NFAT5: variants seen among roughly 807,000 people sequenced by gnomAD.
The protein encoded by NFAT5 is nuclear factor of activated T-cells 5.
NFAT5 carries 31 observed loss-of-function variants against 166.5 expected under a neutral mutation model. The ratio of observed to expected loss-of-function variants is 0.19; its 90% CI spans 0.14 to 0.25. The LOEUF (loss-of-function observed/expected upper bound fraction) is 0.25. Ranked by LOEUF, NFAT5 falls within the 10% of genes least tolerant of loss-of-function variation. The probability of loss-of-function intolerance (pLI) is 1.00; values close to 1 mark genes in which losing one functional copy is unlikely to be tolerated. For missense variants in NFAT5, 1,449 were observed against 1,821.8 expected, an observed-to-expected ratio of 0.80 and a Z score of 3.72; for synonymous variants, 612 against 639.7, an observed-to-expected ratio of 0.96 and a Z score of 0.65.
chr16:69,617,062 G>A (rs2033984130), intron 2 of NFAT5, among the ~76,000 whole-genome samples: 1 of 151,208 alleles, frequency 6.6e-6, no homozygotes, highest in African/African-American at 2.4e-5. Context: ...TCCTGCCTCA[G>A]CCTCCCGAGT....
In NFAT5 at chr16:69,692,067, A is replaced by G. The variant is rs762700463; in HGVS notation, c.2242A>G (p.Asn748Asp). 10 of 1,614,182 alleles carry G rather than the reference A, an allele frequency of 6.2e-6. 1 individual carries two copies. The Admixed American group carries it at 1.5e-4, about 24-fold the overall frequency. ...ATTACAGTCAGATGGTACAGTGGTT[A>G]ATTTGTCACAACTGACTGAGGCATC... ...EILQSDGTVV[N>D]LSQLTEASQQ... Residue 748 changes from asparagine to aspartate, a missense_variant, in exon 13 of 15, where the codon AAT (asparagine) becomes GAT (aspartate). Around this residue, in one of 7 missense-constraint regions of NFAT5, gnomAD observed 891 missense variants for 993.0 expected, o/e 0.90. Coordinates refer to ENST00000349945, the MANE Select transcript of NFAT5 (RefSeq NM_138713.4).
intron 3 of NFAT5, 87 bp from the exon 4 acceptor site, chr16:69,646,941 G>A (rs533901011): frequency 1.7e-5 from 20 of 1,148,024 alleles, no homozygotes; most frequent in Admixed American, 7.5e-5. Context: ...AAAACAATCA[G>A]TTCACAAATC....
At chr16:69,590,248 G>C (rs1205904341) in intron 2 of NFAT5, among the ~76,000 whole-genome samples, 2 of 152,162 alleles carry the variant, frequency 1.3e-5, no homozygotes, top group Non-Finnish European at 2.9e-5. Flanking sequence ...TGAGTCCTGA[G>C]TATCAGGTGA....
Position 69,702,813 on chromosome 16 carries a change from A to G in NFAT5, c.*6462A>G, listed in dbSNP as rs2037921280. On this transcript the variant is annotated 3_prime_UTR_variant, in exon 15 of 15. Coordinates refer to ENST00000349945, the MANE Select transcript of NFAT5 (RefSeq NM_138713.4). ...TAAATTCAGCTTAACCTGGTTATCT[A>G]TAATCTTTTATTGGCAAAAGTTAAT... The G allele has an allele frequency of 6.6e-6, 1 of 152,656 alleles. No homozygotes were observed. The highest frequency in any genetic ancestry group is 2.4e-5 in the African/African-American group (1 of 41,460). 9.5% of individuals were successfully genotyped at this position (152,656 alleles called of 1,614,324 possible).
chr16:69,678,862 G>A lies in NFAT5; in HGVS notation c.1690+1527G>A, dbSNP rs923383046. Reference sequence around the variant, plus strand: ...CTGGCATCAAAAAGTGAAGAAAACAGTAGCTAGGACAGAATAACAACTAAT... The same window carrying A: ...CTGGCATCAAAAAGTGAAGAAAACAATAGCTAGGACAGAATAACAACTAAT... On this transcript the variant is annotated intron_variant, in intron 10 of 14. Coordinates refer to ENST00000349945, the MANE Select transcript of NFAT5 (RefSeq NM_138713.4). 1.9e-4 allele frequency among the ~76,000 whole-genome samples: 29 copies of A among 152,242 alleles called. 1 individual carries two copies. Among genetic ancestry groups the A allele is most frequent in the African/African-American group, 7.0e-4 (29 of 41,468 alleles).
chr16:69,636,651 C>T (rs1371207159), intron 3 of NFAT5, among the ~76,000 whole-genome samples: 12 of 152,174 alleles, frequency 7.9e-5, no homozygotes, highest in Non-Finnish European at 1.8e-4. Flanking sequence ...CCTCTGATGC[C>T]ACAGCTTGAG....
chr16:69,621,954 C>A (rs1291571775), intron 2 of NFAT5, among the ~76,000 whole-genome samples: 1 of 146,384 alleles, frequency 6.8e-6, no homozygotes, highest in African/African-American at 2.6e-5. Flanking sequence ...CACAGTGAGA[C>A]CCTGACTCAA....
intron 10 of NFAT5, among the ~76,000 whole-genome samples, chr16:69,680,592 C>T (rs2037017495): frequency 6.6e-6 from 1 of 152,004 alleles, no homozygotes; most frequent in Non-Finnish European, 1.5e-5. Flanking sequence ...TCAAGTTTTC[C>T]CCCAGCATAT....
At chr16:69,642,089 A>T (rs2035238132) in intron 3 of NFAT5, among the ~76,000 whole-genome samples, 1 of 152,200 alleles carries the variant, frequency 6.6e-6, no homozygotes, top group South Asian at 2.1e-4. Flanking sequence ...ACAGAGCAAG[A>T]CTGTCTCAAC....
rs1444914709 is a variant in NFAT5 at position 69,701,693 on chromosome 16, T to G, written c.*5342T>G. On this transcript the variant is annotated 3_prime_UTR_variant, in exon 15 of 15. Coordinates refer to ENST00000349945, the MANE Select transcript of NFAT5 (RefSeq NM_138713.4). The stretch of plus-strand genomic sequence containing the variant: ...TCTGTGAAACTCCATGCACCAGATG[T>G]GTGTAAATTTCAGGAAGAAAGTGTT... 2 of 152,242 alleles carry G rather than the reference T, an allele frequency of 1.3e-5. No individual in the cohort carries two copies. Among genetic ancestry groups the G allele is most frequent in the East Asian group, 1.9e-4 (1 of 5,200 alleles). The allele number at this position is 152,242 out of a possible 1,614,324, so 9.4% of individuals were successfully genotyped here. A position where few individuals can be genotyped will look rare whatever the true frequency, so the allele number is the denominator to read the frequency against.
intron 3 of NFAT5, among the ~76,000 whole-genome samples, chr16:69,639,745 A>G (rs959614938): frequency 1.3e-5 from 2 of 152,180 alleles, no homozygotes; most frequent in Admixed American, 6.5e-5. Flanking sequence ...GTGTAAGTGC[A>G]TTGCTCAGAA....
At chr16:69,570,078 G>A (rs1225103642) in intron 2 of NFAT5, among the ~76,000 whole-genome samples, 1 of 152,086 alleles carries the variant, frequency 6.6e-6, no homozygotes, top group Non-Finnish European at 1.5e-5. Context: ...AATTATTTAA[G>A]CAAATATTTT....
At chr16:69,629,462 CT>C (rs2034609595) in intron 3 of NFAT5, among the ~76,000 whole-genome samples, 1 of 152,052 alleles carries the variant, frequency 6.6e-6, no homozygotes, top group Admixed American at 6.5e-5. Context: ...ACAATTCATA[CT>C]TTTATGCACT....
chr16:69,695,087 C>A (rs544625045), intron 13 of NFAT5, 49 bp from the exon 14 acceptor site: 7 of 1,322,996 alleles, frequency 5.3e-6, no homozygotes, highest in Middle Eastern at 1.8e-4. Context: ...TTTAATGTTT[C>A]TGCAGACTGT....
intron 2 of NFAT5, among the ~76,000 whole-genome samples, chr16:69,614,724 C>T (rs76752604): frequency 0.16 from 24,244 of 152,020 alleles, 2,116 homozygotes; most frequent in East Asian, 0.36. Context: ...TCCTTAGATC[C>T]TATTTGGGTT....
intron 3 of NFAT5, among the ~76,000 whole-genome samples, chr16:69,638,537 C>A (rs1280869937): frequency 6.6e-6 from 1 of 151,884 alleles, no homozygotes; most frequent in Admixed American, 6.6e-5. Context: ...AGTTCAAGAC[C>A]AGCCTGGCCA....
intron 2 of NFAT5, among the ~76,000 whole-genome samples, chr16:69,591,374 T>C (rs1013669705): frequency 6.9e-6 from 1 of 144,286 alleles, no homozygotes; most frequent in African/African-American, 2.5e-5. Context: ...CTGGCCACCA[T>C]GGAAAAATTA....
chr16:69,658,611 T>G (rs995889355), intron 6 of NFAT5, among the ~76,000 whole-genome samples: 9 of 152,064 alleles, frequency 5.9e-5, no homozygotes, highest in African/African-American at 1.9e-4. Flanking sequence ...GACAGATCTC[T>G]TGAGCCAGGA....
chr16:69,647,635 CA>C lies in NFAT5; in HGVS notation c.812+52del. On this transcript the variant is annotated intron_variant, in intron 4 of 14. Coordinates refer to ENST00000349945, the MANE Select transcript of NFAT5 (RefSeq NM_138713.4). The surrounding 1 kb of genome is among the most constrained non-coding windows in gnomAD (Gnocchi z 4.8). ...TTCTATCATCATTATGCAAAACAAACAAACAAAAAAAATTCCCAATTTTTCC... is the reference window on the plus strand; with the variant it reads ...TTCTATCATCATTATGCAAAACAAACAACAAAAAAAATTCCCAATTTTTCC... The C allele has an allele frequency of 6.8e-7, 1 of 1,473,044 alleles. No individual in the cohort carries two copies. Among genetic ancestry groups the C allele is most frequent in the African/African-American group, 1.4e-5 (1 of 71,032 alleles). The allele number at this position is 1,473,044 out of a possible 1,614,324, so 91.2% of individuals were successfully genotyped here.
Sources: gnomAD v4.1 joint callset for allele counts (sites outside exome capture counted in the v4.1 genomes callset) on GRCh38, gnomAD v4.1.1 for gene constraint, gnomAD v4.1.1 regional missense constraint, Gnocchi (gnomAD v3.1) non-coding constraint, MANE v1.5 for transcripts, NCBI Gene and HGNC (gene_info 2026-07-23, HGNC 2026-07-21) for gene names.